Variants in CNTN5 observed in about 807,000 individuals in gnomAD.
CNTN5 encodes the protein contactin 5.
CNTN5 carries 77 observed loss-of-function variants against 129.1 expected under a neutral mutation model. That is an observed-to-expected ratio of 0.60 (90% CI 0.50 to 0.72). The LOEUF (loss-of-function observed/expected upper bound fraction) is 0.72, where lower values mean the gene tolerates loss of function less well. CNTN5 is among the 30% of genes least tolerant of loss of function. The pLI is 0.00. For missense variants in CNTN5, 1,478 were observed against 1,328.8 expected, an observed-to-expected ratio of 1.11 and a Z score of -1.75; for synonymous variants, 509 against 465.6, an observed-to-expected ratio of 1.09 and a Z score of -1.20.
intron 3 of CNTN5, among the ~76,000 whole-genome samples, chr11:99,664,535 T>C (rs1015604396): frequency 2.6e-5 from 4 of 152,172 alleles, no homozygotes; most frequent in Non-Finnish European, 5.9e-5. Flanking sequence ...ATACAGGATA[T>C]CAATGGCATT....
intron 16 of CNTN5, among the ~76,000 whole-genome samples, chr11:100,234,919 G>T (rs1410642389): frequency 6.7e-6 from 1 of 149,662 alleles, no homozygotes; most frequent in Non-Finnish European, 1.5e-5. Context: ...TAAATTTTTT[G>T]CAATTGCCCC....
intron 3 of CNTN5, among the ~76,000 whole-genome samples, chr11:99,683,959 ATACT>A (rs1565424095): frequency 6.6e-6 from 1 of 151,850 alleles, no homozygotes; most frequent in Non-Finnish European, 1.5e-5. Context: ...GACGGAAACA[ATACT>A]TAAATTGTAC....
At chr11:99,265,457 T>TGAAAGACAATAAAACAGG (rs1166215896) in intron 1 of CNTN5, among the ~76,000 whole-genome samples, 1 of 152,028 alleles carries the variant, frequency 6.6e-6, no homozygotes, top group Non-Finnish European at 1.5e-5. Context: ...ATAATGAAGC[T>TGAAAGACAATAAAACAGG]GAAAGACAAT....
At chr11:99,949,849 G>C (rs1411833156) in intron 7 of CNTN5, among the ~76,000 whole-genome samples, 1 of 152,114 alleles carries the variant, frequency 6.6e-6, no homozygotes, top group East Asian at 1.9e-4. Flanking sequence ...TGTGGATCAT[G>C]AGATGACGCC....
rs180798797 is a variant in CNTN5 at position 99,521,999 on chromosome 11, G to A, written c.-70-34146G>A. ...TGTGACTAGCAGAGATTTAAAGCTTGGGTAATAAAAAAAATGAATAAAAAA... is the reference window on the plus strand; with the variant it reads ...TGTGACTAGCAGAGATTTAAAGCTTAGGTAATAAAAAAAATGAATAAAAAA... On this transcript the variant is annotated intron_variant, in intron 2 of 24. Coordinates refer to ENST00000524871, the MANE Select transcript of CNTN5 (RefSeq NM_014361.4). 1.4e-3 allele frequency among the ~76,000 whole-genome samples: 210 copies of A among 152,064 alleles called. 2 individuals are homozygous for A. Among genetic ancestry groups the A allele is most frequent in the African/African-American group, 4.9e-3 (202 of 41,468 alleles).
chr11:99,880,559 C>A (rs896467797), intron 6 of CNTN5, among the ~76,000 whole-genome samples: 1 of 152,038 alleles, frequency 6.6e-6, no homozygotes, highest in African/African-American at 2.4e-5. Flanking sequence ...ATGCCACAAG[C>A]AGCTCCCAAG....
intron 13 of CNTN5, among the ~76,000 whole-genome samples, chr11:100,136,125 A>G (rs1343093497): frequency 6.6e-6 from 1 of 152,262 alleles, no homozygotes; most frequent in East Asian, 1.9e-4. Flanking sequence ...TAAATCATCC[A>G]TAGCTCAATG....
intron 2 of CNTN5, among the ~76,000 whole-genome samples, chr11:99,457,221 TAC>T (rs2135218481): frequency 6.6e-6 from 1 of 152,130 alleles, no homozygotes; most frequent in East Asian, 1.9e-4. Flanking sequence ...ACAATCTATT[TAC>T]AGTTAGCTGG....
At chr11:99,243,294 T>G (rs1429943944) in intron 1 of CNTN5, among the ~76,000 whole-genome samples, 1 of 152,086 alleles carries the variant, frequency 6.6e-6, no homozygotes, top group Non-Finnish European at 1.5e-5. Flanking sequence ...CTTTTGCCCA[T>G]TTTTTAATGG....
intron 9 of CNTN5, among the ~76,000 whole-genome samples, chr11:100,043,417 A>G (rs1254790946): frequency 1.3e-5 from 2 of 152,166 alleles, no homozygotes; most frequent in African/African-American, 4.8e-5. Flanking sequence ...CAAAGCTCCA[A>G]ATAACTTGGA....
intron 3 of CNTN5, among the ~76,000 whole-genome samples, chr11:99,662,552 A>G (rs1186730627): frequency 6.6e-6 from 1 of 152,228 alleles, no homozygotes; most frequent in Non-Finnish European, 1.5e-5. Flanking sequence ...GCGGTGTTAT[A>G]ATAAACACGT....
intron 2 of CNTN5, among the ~76,000 whole-genome samples, chr11:99,554,827 T>C (rs1447537170): frequency 1.3e-5 from 2 of 152,086 alleles, no homozygotes; most frequent in Non-Finnish European, 2.9e-5. Context: ...AAAAGCAGTG[T>C]ATAAATAACC....
chr11:100,308,928 T>C (rs919292452), intron 21 of CNTN5: 137 of 984,222 alleles, frequency 1.4e-4, no homozygotes, highest in Non-Finnish European at 1.6e-4. Flanking sequence ...ATAGTTTTTT[T>C]GGTCCCTTAA....
rs183597762 is a variant in CNTN5, at chr11:99,690,395, C to G, written c.56-129149C>G. Among the ~76,000 whole-genome samples, 200 of 151,878 alleles carry G rather than the reference C, an allele frequency of 1.3e-3. 1 individual carries two copies. The highest frequency in any genetic ancestry group is 1.5e-3 in the Non-Finnish European group (104 of 67,868). ...CCAGCTTTGTTTTGTTGTTGTTGTTCTTGTTTTGTTTCTTTGTTTGCTTAG... is the reference window on the plus strand; with the variant it reads ...CCAGCTTTGTTTTGTTGTTGTTGTTGTTGTTTTGTTTCTTTGTTTGCTTAG... On this transcript the variant is annotated intron_variant, in intron 3 of 24. Transcript: ENST00000524871.
intron 3 of CNTN5, among the ~76,000 whole-genome samples, chr11:99,693,822 T>C (rs539030659): frequency 1.3e-5 from 2 of 152,242 alleles, no homozygotes; most frequent in South Asian, 2.1e-4. Context: ...TCAACAAGTA[T>C]TCATTGAATC....
chr11:99,802,343 C>A (rs1231066), intron 3 of CNTN5, among the ~76,000 whole-genome samples: 3 of 151,940 alleles, frequency 2.0e-5, no homozygotes, highest in Admixed American at 6.6e-5. Flanking sequence ...GTTTTCTGAA[C>A]TGCCTGATTA....
chr11:100,337,354 G>A, intron 21 of CNTN5: 1 of 837,990 alleles, frequency 1.2e-6, no homozygotes, highest in East Asian at 2.4e-5. Context: ...ATGCACACAT[G>A]ATCACAAAGC....
chr11:99,910,200 A>C (rs997951478), intron 6 of CNTN5, among the ~76,000 whole-genome samples: 1 of 152,084 alleles, frequency 6.6e-6, no homozygotes, highest in Non-Finnish European at 1.5e-5. Flanking sequence ...AAATGGACAT[A>C]ATAAGCCCTC....
At chr11:99,780,967 A>G (rs1945290760) in intron 3 of CNTN5, among the ~76,000 whole-genome samples, 1 of 151,996 alleles carries the variant, frequency 6.6e-6, no homozygotes, top group African/African-American at 2.4e-5. Context: ...CACACGTGGC[A>G]TCTTAGGAAA....
Sources: allele counts gnomAD v4.1 joint callset (sites outside exome capture counted in the v4.1 genomes callset), GRCh38; gene constraint gnomAD v4.1.1; transcripts MANE v1.5; gene names NCBI Gene and HGNC (gene_info 2026-07-23, HGNC 2026-07-21).